The following POTEE variants were observed in gnomAD, a reference collection of about 807,000 sequenced individuals.
The protein encoded by POTEE is ANKRD26-like family C member 1A.
A neutral mutation model predicts 74.2 loss-of-function variants in POTEE; 21 were observed. The ratio of observed to expected loss-of-function variants is 0.28; its 90% CI spans 0.20 to 0.41. POTEE has a LOEUF of 0.41. Ranked by LOEUF, POTEE falls within the 10% of genes least tolerant of loss-of-function variation. The pLI, the probability that POTEE is intolerant of heterozygous loss-of-function variation, is 1.00. For synonymous variants in POTEE, 211 were observed against 432.8 expected, an observed-to-expected ratio of 0.49 and a Z score of 6.36; for missense variants, 525 against 1,158.6, an observed-to-expected ratio of 0.45 and a Z score of 7.94.
chr2:131,258,984 T>C (rs368091969), intron 16 of POTEE, among the ~76,000 whole-genome samples: 35 of 27,214 alleles, frequency 1.3e-3, no homozygotes, highest in East Asian at 4.2e-3. Context: ...CTCTCTCTCC[T>C]GCCGCCTTAT....
chr2:131,222,702 A>G (rs1370099010), intron 4 of POTEE, among the ~76,000 whole-genome samples: 2 of 152,276 alleles, frequency 1.3e-5, no homozygotes, highest in Non-Finnish European at 2.9e-5. Context: ...AAGTATTGAA[A>G]AAAATGAGCC....
At position 131,263,657 on chromosome 2, in the gene POTEE, CGTG is replaced by C. The variant is rs1701795193; in HGVS notation, c.2204_2206del (p.Val735del). 1 of 1,587,952 alleles carries C rather than the reference CGTG, an allele frequency of 6.3e-7. No individual in the cohort carries two copies. Among genetic ancestry groups the C allele is most frequent in the African/African-American group, 1.3e-5 (1 of 74,160 alleles). On this transcript the variant is annotated inframe_deletion, in exon 18 of 18. Transcript: ENST00000683005. The stretch of plus-strand genomic sequence containing the variant: ...CCCCCCGGGCTGTCTTCCCTTCCAT[CGTG>C]GGGCGCCCCAGGCAGCAGGGCATGA...
At chr2:131,213,938 A>G (rs1179221054) in intron 2 of POTEE, among the ~76,000 whole-genome samples, 1 of 152,016 alleles carries the variant, frequency 6.6e-6, no homozygotes, top group Non-Finnish European at 1.5e-5. Flanking sequence ...AATTATGTGA[A>G]CATGAATTTT....
At chr2:131,236,176 A>G (rs1010902914) in intron 9 of POTEE, among the ~76,000 whole-genome samples, 7 of 152,110 alleles carry the variant, frequency 4.6e-5, no homozygotes, top group African/African-American at 1.7e-4. Flanking sequence ...GAACTTGCAA[A>G]TAGTATGCAT....
intron 2 of POTEE, among the ~76,000 whole-genome samples, chr2:131,212,008 C>T (rs1217198299): frequency 6.6e-6 from 1 of 151,702 alleles, no homozygotes; most frequent in Non-Finnish European, 1.5e-5. Context: ...CTTCTTGTTC[C>T]TCTTCATTTT....
chr2:131,217,753 GCCGCACGCCGCAC>G (rs1326980078), intron 3 of POTEE, among the ~76,000 whole-genome samples, 70 bp downstream of exon 3: 24 of 123,786 alleles, frequency 1.9e-4, no homozygotes, highest in Admixed American at 4.3e-4. Context: ...CACGCCGCAC[GCCGCACGCCGCAC>G]GCGCACGCCG....
intron 16 of POTEE, among the ~76,000 whole-genome samples, chr2:131,256,873 C>T (rs1294174332): frequency 6.6e-6 from 1 of 152,308 alleles, no homozygotes; most frequent in Non-Finnish European, 1.5e-5. Context: ...ACGCGTCAGG[C>T]TTGAGATTCA....
At chr2:131,224,825 A>G (rs1307885481) in intron 6 of POTEE, among the ~76,000 whole-genome samples, 1 of 151,916 alleles carries the variant, frequency 6.6e-6, no homozygotes, top group Admixed American at 6.6e-5. Flanking sequence ...AGCAGAGGGA[A>G]TATCAAGTAA....
At chr2:131,221,718 T>C (rs1357672082) in intron 4 of POTEE, among the ~76,000 whole-genome samples, 4 of 152,234 alleles carry the variant, frequency 2.6e-5, no homozygotes, top group African/African-American at 7.2e-5. Flanking sequence ...TAATTATCTT[T>C]TCATTAGATA....
intron 2 of POTEE, among the ~76,000 whole-genome samples, 175 bp downstream of exon 2, chr2:131,211,358 G>C (rs371593346): frequency 7.3e-5 from 11 of 150,204 alleles, no homozygotes; most frequent in African/African-American, 2.5e-4. Flanking sequence ...GGGGTGGGGA[G>C]GAACCTGCTG....
chr2:131,218,333 T>C lies in POTEE; in HGVS notation c.-70T>C. On this transcript the variant is annotated 5_prime_UTR_variant, in exon 4 of 18. Coordinates refer to ENST00000683005, the MANE Select transcript of POTEE (RefSeq NM_001083538.3). ...AGATTGGAAACCCGGAGTTACCTGCTAGTTGGTGAAACTGGTTGGTAGACG... is the reference window on the plus strand; with the variant it reads ...AGATTGGAAACCCGGAGTTACCTGCCAGTTGGTGAAACTGGTTGGTAGACG... 6.2e-7 allele frequency: 1 copy of C among 1,601,922 alleles called. No individual in the cohort carries two copies. The highest frequency in any genetic ancestry group is 2.2e-5 in the East Asian group (1 of 44,734).
chr2:131,251,280 AT>A (rs1369658842), intron 14 of POTEE, among the ~76,000 whole-genome samples: 1 of 33,316 alleles, frequency 3.0e-5, no homozygotes, highest in South Asian at 1.0e-3. Context: ...AAAAAAAAAA[AT>A]TTTAATAGAT....
chr2:131,237,799 T>C (rs1488395423), intron 10 of POTEE, among the ~76,000 whole-genome samples: 9 of 152,294 alleles, frequency 5.9e-5, no homozygotes, highest in African/African-American at 1.4e-4. Context: ...TAAACTCTTT[T>C]CAAGTGAGGA....
chr2:131,248,226 A>G (rs1181159721), intron 13 of POTEE, among the ~76,000 whole-genome samples: 1 of 103,898 alleles, frequency 9.6e-6, no homozygotes, highest in Non-Finnish European at 2.1e-5. Flanking sequence ...AATAACATTA[A>G]TAGTTGGCAG....
At chr2:131,219,423 C>T (rs1184458471) in intron 4 of POTEE, among the ~76,000 whole-genome samples, 17 of 151,518 alleles carry the variant, frequency 1.1e-4, no homozygotes, top group African/African-American at 3.6e-4. Flanking sequence ...TGTGCTTGAA[C>T]AGGAAGATTG....
intron 3 of POTEE, 178 bp from the exon 4 acceptor site, chr2:131,218,129 TGGG>T (rs1700493076): frequency 1.7e-6 from 1 of 586,966 alleles, no homozygotes; most frequent in African/African-American, 2.3e-5. Context: ...GGTGTTTTCT[TGGG>T]GGCGGGGGTT....
chr2:131,235,942 G>C (rs966852654), intron 9 of POTEE, among the ~76,000 whole-genome samples: 1 of 152,028 alleles, frequency 6.6e-6, no homozygotes, highest in African/African-American at 2.4e-5. Context: ...TATTGTTGCA[G>C]AAAACAGGAG....
At chr2:131,261,263 C>A (rs950421279) in intron 16 of POTEE, among the ~76,000 whole-genome samples, 1 of 145,366 alleles carries the variant, frequency 6.9e-6, no homozygotes, top group Non-Finnish European at 1.5e-5. Context: ...TGACCTGAAC[C>A]CTGTTGTAAG....
chr2:131,230,965 G>C, intron 9 of POTEE, 59 bp downstream of exon 9: 3 of 1,529,552 alleles, frequency 2.0e-6, no homozygotes, highest in South Asian at 1.2e-5. Context: ...TTGACACCAG[G>C]GACCGGTTTT....
Sources: gnomAD v4.1 joint callset for allele counts (sites outside exome capture counted in the v4.1 genomes callset) on GRCh38, gnomAD v4.1.1 for gene constraint, MANE v1.5 for transcripts, NCBI Gene and HGNC (gene_info 2026-07-23, HGNC 2026-07-21) for gene names.